The following GAS2 variants were observed in gnomAD, a reference collection of about 807,000 sequenced individuals.
GAS2 encodes the protein growth arrest-specific protein 2.
A neutral mutation model predicts 37.5 loss-of-function variants in GAS2; 20 were observed. That is an observed-to-expected ratio of 0.53 (90% confidence interval 0.37 to 0.77). The LOEUF is 0.77. Among genes scored for constraint, GAS2 ranks in the 30% least tolerant of loss-of-function variants. GAS2 has a pLI of 0.00. For synonymous variants in GAS2, 144 were observed against 132.2 expected (o/e 1.09, Z -0.61); for missense variants, 336 against 373.4 (o/e 0.90, Z 0.82).
At chr11:22,746,612 A>T (rs140358959) in intron 5 of GAS2, among the ~76,000 whole-genome samples, 2 of 152,144 alleles carry the variant, frequency 1.3e-5, no homozygotes, top group African/African-American at 4.8e-5. Flanking sequence ...AGAAAACCCA[A>T]TACTGCATGT....
intron 6 of GAS2, among the ~76,000 whole-genome samples, chr11:22,751,700 T>G (rs961560660): frequency 2.6e-5 from 4 of 151,990 alleles, no homozygotes; most frequent in African/African-American, 7.2e-5. Flanking sequence ...ATGATTTTCT[T>G]TCTTCACTAG....
At chr11:22,803,208 C>A (rs572957862) in intron 7 of GAS2, among the ~76,000 whole-genome samples, 1 of 152,226 alleles carries the variant, frequency 6.6e-6, no homozygotes, top group African/African-American at 2.4e-5. Context: ...GAGATATACA[C>A]TGGACAGAAA....
intron 7 of GAS2, among the ~76,000 whole-genome samples, chr11:22,800,611 C>T (rs1024718538): frequency 3.9e-5 from 6 of 151,966 alleles, no homozygotes; most frequent in Non-Finnish European, 5.9e-5. Flanking sequence ...GACAGATACT[C>T]CTGCTGCCCT....
Position 22,735,852 on chromosome 11 carries a change from G to T in GAS2, c.410-1853G>T, listed in dbSNP as rs144751849. On this transcript the variant is annotated intron_variant, in intron 4 of 7. Coordinates refer to ENST00000454584, the MANE Select transcript of GAS2 (RefSeq NM_001143830.3). ...TTGTCATCAAGAAATGCATGACATT[G>T]TATCAAAAGCTCTTGATGCTATAGC... Among the ~76,000 whole-genome samples the T allele has an allele frequency of 3.5e-3, 531 of 151,800 alleles. 3 individuals carry two copies. The highest frequency in any genetic ancestry group is 0.012 in the African/African-American group (493 of 41,482).
intron 3 of GAS2, among the ~76,000 whole-genome samples, chr11:22,707,485 T>A (rs1851184162): frequency 6.6e-6 from 1 of 152,196 alleles, no homozygotes; most frequent in South Asian, 2.1e-4. Context: ...TAGACTTGAC[T>A]CTCAGCTGAT....
intron 1 of GAS2, among the ~76,000 whole-genome samples, chr11:22,653,819 C>T (rs1848825558): frequency 1.3e-5 from 2 of 152,144 alleles, no homozygotes; most frequent in African/African-American, 4.8e-5. Flanking sequence ...ATCAATAGAG[C>T]ATAATAAAAG....
intron 7 of GAS2, among the ~76,000 whole-genome samples, chr11:22,783,821 T>C (rs138611953): frequency 3.3e-5 from 5 of 152,318 alleles, no homozygotes; most frequent in Non-Finnish European, 7.4e-5. Flanking sequence ...TGTTTTTTTG[T>C]ATATGTGTAA....
intron 1 of GAS2, among the ~76,000 whole-genome samples, chr11:22,638,948 A>T (rs575573477): frequency 6.6e-6 from 1 of 152,234 alleles, no homozygotes; most frequent in South Asian, 2.1e-4. Flanking sequence ...GGTAGTGATT[A>T]TACTGATCCC....
At chr11:22,723,679 T>C (rs1852051626) in intron 3 of GAS2, among the ~76,000 whole-genome samples, 1 of 151,958 alleles carries the variant, frequency 6.6e-6, no homozygotes, top group Non-Finnish European at 1.5e-5. Flanking sequence ...ACTCGTATAT[T>C]GATTTGAAGT....
At chr11:22,746,025 CAAAAA>C (rs1853380264) in intron 5 of GAS2, among the ~76,000 whole-genome samples, 1 of 151,880 alleles carries the variant, frequency 6.6e-6, no homozygotes, top group Admixed American at 6.6e-5. Context: ...AAAATACACA[CAAAAA>C]ATTTAGCCAG....
chr11:22,635,087 T>C (rs1388032629), intron 1 of GAS2, among the ~76,000 whole-genome samples: 1 of 152,134 alleles, frequency 6.6e-6, no homozygotes, highest in Non-Finnish European at 1.5e-5. Context: ...GCTGCAGTGA[T>C]AGTGATGGGA....
At chr11:22,639,709 T>G (rs1232379423) in intron 1 of GAS2, among the ~76,000 whole-genome samples, 1 of 152,166 alleles carries the variant, frequency 6.6e-6, no homozygotes, top group Non-Finnish European at 1.5e-5. Context: ...AATATTAAAT[T>G]TATGTTTTAA....
chr11:22,736,255 A>G (rs2134217305), intron 4 of GAS2, among the ~76,000 whole-genome samples: 2 of 152,120 alleles, frequency 1.3e-5, no homozygotes, highest in East Asian at 3.9e-4. Context: ...AAATATCTTC[A>G]TTTTAAGCCC....
rs193207480 is a variant in GAS2 at position 22,811,644 on chromosome 11, A to G, written c.724-154A>G. 3.2e-3 allele frequency among the ~76,000 whole-genome samples: 483 copies of G among 152,316 alleles called. 1 individual carries two copies. Among genetic ancestry groups the G allele is most frequent in the African/African-American group, 0.011 (453 of 41,566 alleles). On this transcript the variant is annotated intron_variant, in intron 7 of 7. Coordinates refer to ENST00000454584, the MANE Select transcript of GAS2 (RefSeq NM_001143830.3). ...AGAAAAAAAACAGGACTTCTTTCAT[A>G]GACTATATGCTAACTCAGACATTTT...
intron 1 of GAS2, among the ~76,000 whole-genome samples, chr11:22,651,788 C>G (rs1242029725): frequency 1.3e-5 from 2 of 152,080 alleles, no homozygotes. Context: ...TTAAGCACTT[C>G]TCTGTATTGG....
At chr11:22,658,027 T>C (rs982020432) in intron 1 of GAS2, among the ~76,000 whole-genome samples, 3 of 152,030 alleles carry the variant, frequency 2.0e-5, no homozygotes, top group Admixed American at 6.5e-5. Flanking sequence ...ATTTGCTTTT[T>C]TTTTTTTTTT....
chr11:22,734,701 A>C (rs905479873), intron 4 of GAS2, among the ~76,000 whole-genome samples: 1 of 151,830 alleles, frequency 6.6e-6, no homozygotes, highest in African/African-American at 2.4e-5. Context: ...CATCACAAAA[A>C]TATTATGAGG....
At chr11:22,712,347 G>C (rs1228747934) in intron 3 of GAS2, among the ~76,000 whole-genome samples, 2 of 152,172 alleles carry the variant, frequency 1.3e-5, no homozygotes, top group Non-Finnish European at 2.9e-5. Context: ...CCACAGCTGG[G>C]AGACCTGAAG....
chr11:22,696,853 A>G lies in GAS2; in HGVS notation c.267+11064A>G, dbSNP rs1211520592. On this transcript the variant is annotated intron_variant, in intron 3 of 7. Transcript: ENST00000454584. The stretch of plus-strand genomic sequence containing the variant: ...AGATTCTGGATATTAGCCCTTTGTC[A>G]GATGAGTAGGTTGCGAAAATTTTCT... Among the ~76,000 whole-genome samples the G allele has an allele frequency of 2.6e-5, 4 of 151,434 alleles. No individual in the cohort carries two copies. In the East Asian group the frequency reaches 7.7e-4, roughly 29 times the overall value.
Sources: allele counts gnomAD v4.1 joint callset (sites outside exome capture counted in the v4.1 genomes callset), GRCh38; gene constraint gnomAD v4.1.1; transcripts MANE v1.5; gene names NCBI Gene and HGNC (gene_info 2026-07-23, HGNC 2026-07-21).